Variants in DNAH10 observed in about 807,000 individuals in gnomAD.
The protein encoded by DNAH10 is axonemal beta dynein heavy chain 10.
In DNAH10, 348 loss-of-function variants were observed where a neutral mutation model predicts 506.6. The observed-to-expected ratio is 0.69, with a 90% CI of 0.63 to 0.75. The LOEUF (loss-of-function observed/expected upper bound fraction) is 0.75. Among genes scored for constraint, DNAH10 ranks in the 30% least tolerant of loss-of-function variants. DNAH10 has a pLI of 0.00. For missense variants in DNAH10, 5,179 were observed against 5,787.1 expected, an observed-to-expected ratio of 0.89 and a Z score of 3.41; for synonymous variants, 2,059 against 2,198.6, an observed-to-expected ratio of 0.94 and a Z score of 1.78.
At chr12:123,856,381 G>A (rs1024190462) in intron 36 of DNAH10, among the ~76,000 whole-genome samples, 2 of 149,970 alleles carry the variant, frequency 1.3e-5, no homozygotes, top group Non-Finnish European at 1.5e-5. Context: ...CTCTTGTCAC[G>A]CCAGGAGTAC....
chr12:123,930,004 T>C, intron 72 of DNAH10: 1 of 591,560 alleles, frequency 1.7e-6, no homozygotes, highest in East Asian at 2.8e-5. Flanking sequence ...TCTAGCCCCT[T>C]GCCTCAGCTG....
chr12:123,773,509 T>TG (rs1197213020), intron 4 of DNAH10, among the ~76,000 whole-genome samples: 2 of 152,288 alleles, frequency 1.3e-5, no homozygotes, highest in Non-Finnish European at 2.9e-5. Flanking sequence ...TGCCATAGGC[T>TG]GGGGGGCTTC....
chr12:123,921,700 T>G (rs1255503597), intron 65 of DNAH10, among the ~76,000 whole-genome samples: 4 of 13,934 alleles, frequency 2.9e-4, no homozygotes, highest in African/African-American at 4.6e-4. Context: ...AGTTTTTTTT[T>G]TTTTTTTTTT....
intron 25 of DNAH10, among the ~76,000 whole-genome samples, chr12:123,830,201 C>G (rs572548455): frequency 6.6e-6 from 1 of 152,268 alleles, no homozygotes; most frequent in Admixed American, 6.5e-5. Flanking sequence ...TTACATGAGG[C>G]TCTCAAAAAG....
chr12:123,777,170 C>T (rs139722377), intron 5 of DNAH10, among the ~76,000 whole-genome samples: 2 of 152,304 alleles, frequency 1.3e-5, no homozygotes, highest in South Asian at 4.1e-4. Context: ...GCTGCCTTCT[C>T]CACATGCCAA....
chr12:123,839,949 G>A (rs1950707857), intron 29 of DNAH10, among the ~76,000 whole-genome samples: 1 of 152,168 alleles, frequency 6.6e-6, no homozygotes. Flanking sequence ...AGAGAACAGA[G>A]GCTGGCCAGA....
chr12:123,892,660 A>G (rs887660086), intron 52 of DNAH10, among the ~76,000 whole-genome samples: 3 of 152,264 alleles, frequency 2.0e-5, no homozygotes, highest in African/African-American at 7.2e-5. Flanking sequence ...GGAGAACGTC[A>G]GAGATGGCAT....
In DNAH10 at chr12:123,903,140, G is replaced by C. The variant is rs1307595491; in HGVS notation, c.9815+27G>C. ...TAATGCACCTGAGCCACCATTCTGGGCTTCCATTCCACCTCTGCAAGCCAG... is the reference window on the plus strand; with the variant it reads ...TAATGCACCTGAGCCACCATTCTGGCCTTCCATTCCACCTCTGCAAGCCAG... On this transcript the variant is annotated intron_variant, in intron 57 of 78. Coordinates refer to ENST00000673944, the MANE Select transcript of DNAH10 (RefSeq NM_001372106.1). This position sits in a 1 kb window ranked among gnomAD's most constrained non-coding sequence, Gnocchi z 4.6. 6.3e-7 allele frequency: 1 copy of C among 1,584,504 alleles called. No individual in the cohort carries two copies. Among genetic ancestry groups the C allele is most frequent in the Non-Finnish European group, 8.6e-7 (1 of 1,165,742 alleles).
At chr12:123,881,973 G>C (rs1055604852) in intron 51 of DNAH10, 160 bp downstream of exon 51, 1 of 648,562 alleles carries the variant, frequency 1.5e-6, no homozygotes. Context: ...CTTGTTTTTG[G>C]CTTGATATTA....
rs1200260181 is a variant in DNAH10, at chr12:123,933,410, C to T, written c.13376C>T (p.Ala4459Val). The change falls in exon 77 of 79, where the codon GCC becomes GTC. Residue 4459 changes from alanine to valine, a missense_variant. Physicochemically the swap from Ala to Val is moderately conservative, Grantham distance 64 (BLOSUM62 0). This residue lies in a region of DNAH10 where 4,844 missense variants were observed against 5,430.5 expected (regional missense o/e 0.89). Transcript: ENST00000673944. ...PESYLTALVQ[A>V]TCRKNGWPLD... The stretch of plus-strand genomic sequence containing the variant: ...TCCTACCTCACGGCGCTGGTGCAGG[C>T]CACCTGCCGGAAGAACGGCTGGCCA... 2.5e-6 allele frequency: 4 copies of T among 1,612,238 alleles called. No individual in the cohort carries two copies. Among genetic ancestry groups the T allele is most frequent in the Middle Eastern group, 1.8e-4 (1 of 5,496 alleles).
intron 30 of DNAH10, among the ~76,000 whole-genome samples, chr12:123,842,773 C>A (rs991588044): frequency 9.2e-5 from 14 of 152,186 alleles, no homozygotes; most frequent in African/African-American, 3.4e-4. Flanking sequence ...TGCAAATATT[C>A]CTGCCATGGC....
intron 47 of DNAH10, 54 bp downstream of exon 47, chr12:123,875,545 A>G (rs764005089): frequency 2.3e-5 from 37 of 1,604,170 alleles, no homozygotes; most frequent in South Asian, 1.6e-4. Context: ...TTGGGGGGAA[A>G]CATACACAGG....
intron 50 of DNAH10, 35 bp downstream of exon 50, chr12:123,879,836 T>C (rs1253681435): frequency 1.9e-6 from 3 of 1,603,684 alleles, no homozygotes; most frequent in South Asian, 1.1e-5. Context: ...ATGGGCTCAC[T>C]TTCTCCTGAG....
At chr12:123,921,932 C>G (rs886608775) in intron 65 of DNAH10, among the ~76,000 whole-genome samples, 1 of 151,666 alleles carries the variant, frequency 6.6e-6, no homozygotes, top group African/African-American at 2.4e-5. Context: ...CCAGGCTGGT[C>G]TCGAACTCTT....
intron 45 of DNAH10, among the ~76,000 whole-genome samples, chr12:123,872,426 C>T (rs1232756198): frequency 6.6e-6 from 1 of 152,146 alleles, no homozygotes; most frequent in Non-Finnish European, 1.5e-5. Context: ...GCCTCCTTCA[C>T]AACACCCCTA....
chr12:123,910,497 G>A (rs1477348994), intron 58 of DNAH10, 39 bp from the exon 59 acceptor site: 3 of 1,601,334 alleles, frequency 1.9e-6, no homozygotes, highest in Non-Finnish European at 2.6e-6. Context: ...CCAAGATGAA[G>A]CTTGCCACTC....
At chr12:123,810,041 A>G (rs1958871161) in intron 19 of DNAH10, among the ~76,000 whole-genome samples, 1 of 151,768 alleles carries the variant, frequency 6.6e-6, no homozygotes, top group Admixed American at 6.6e-5. Flanking sequence ...TTGCTTATTT[A>G]TCTATTGATC....
intron 40 of DNAH10, 32 bp from the exon 41 acceptor site, chr12:123,865,919 A>G (rs748433339): frequency 1.3e-6 from 2 of 1,586,458 alleles, no homozygotes; most frequent in Non-Finnish European, 8.5e-7. Context: ...GTGTATAGCT[A>G]TAGCCATGAT....
At chr12:123,882,972 A>AGT (rs549242211) in intron 51 of DNAH10, among the ~76,000 whole-genome samples, 3 of 152,020 alleles carry the variant, frequency 2.0e-5, no homozygotes, top group Non-Finnish European at 2.9e-5. Context: ...TCATGTGAAT[A>AGT]GTGTGTGTGT....
Sources: allele counts gnomAD v4.1 joint callset (sites outside exome capture counted in the v4.1 genomes callset), GRCh38; gene constraint gnomAD v4.1.1; regional missense constraint gnomAD v4.1.1; non-coding constraint Gnocchi (gnomAD v3.1); transcripts MANE v1.5; gene names NCBI Gene and HGNC (gene_info 2026-07-23, HGNC 2026-07-21).